The following FOXN3 variants were observed in gnomAD, a reference collection of about 807,000 sequenced individuals.
The protein encoded by FOXN3 is forkhead box N3.
FOXN3 carries 7 observed loss-of-function variants against 38.4 expected under a neutral mutation model. The observed-to-expected ratio is 0.18, with a 90% CI of 0.10 to 0.34. The LOEUF (loss-of-function observed/expected upper bound fraction) is 0.34. Among genes scored for constraint, FOXN3 ranks in the 10% least tolerant of loss-of-function variants. The probability of loss-of-function intolerance (pLI) is 1.00; values close to 1 mark genes in which losing one functional copy is unlikely to be tolerated. For missense variants in FOXN3, 456 were observed against 613.4 expected (o/e 0.74, Z 2.71); for synonymous variants, 230 against 242.2 (o/e 0.95, Z 0.47).
intron 2 of FOXN3, among the ~76,000 whole-genome samples, chr14:89,406,321 G>A (rs1381184247): frequency 6.6e-6 from 1 of 152,098 alleles, no homozygotes; most frequent in Non-Finnish European, 1.5e-5. Flanking sequence ...TTGGGAGGCT[G>A]AGTCAGGAGG....
intron 3 of FOXN3, among the ~76,000 whole-genome samples, chr14:89,302,146 A>G (rs901078891): frequency 3.9e-5 from 6 of 152,178 alleles, no homozygotes; most frequent in African/African-American, 1.4e-4. Flanking sequence ...ATTCTTACAC[A>G]CCTAGTACCT....
intron 1 of FOXN3, among the ~76,000 whole-genome samples, chr14:89,490,299 A>G (rs1448398089): frequency 1.3e-5 from 2 of 152,158 alleles, no homozygotes; most frequent in African/African-American, 2.4e-5. Context: ...TTCTATCCCA[A>G]TGATATCAGC....
chr14:89,399,159 G>A (rs895446362), intron 2 of FOXN3, among the ~76,000 whole-genome samples: 1 of 152,210 alleles, frequency 6.6e-6, no homozygotes, highest in Non-Finnish European at 1.5e-5. Flanking sequence ...AGGGCTGAAC[G>A]CTTGGCCCAG....
At chr14:89,309,903 C>G (rs1887480866) in intron 3 of FOXN3, among the ~76,000 whole-genome samples, 1 of 152,246 alleles carries the variant, frequency 6.6e-6, no homozygotes, top group African/African-American at 2.4e-5. Flanking sequence ...TGCCTTAAGT[C>G]ACCAAGACTG....
At chr14:89,202,871 G>A (rs993599045) in intron 4 of FOXN3, among the ~76,000 whole-genome samples, 2 of 151,942 alleles carry the variant, frequency 1.3e-5, no homozygotes, top group Non-Finnish European at 2.9e-5. Context: ...TATAAATTAC[G>A]CAGGCTCAGG....
intron 1 of FOXN3, among the ~76,000 whole-genome samples, chr14:89,611,754 C>G (rs375487801): frequency 1.4e-5 from 2 of 143,722 alleles, no homozygotes; most frequent in South Asian, 2.1e-4. Flanking sequence ...TGCAGTGAGC[C>G]GAGATCGTGC....
At chr14:89,440,827 A>G (rs1028947461) in intron 1 of FOXN3, among the ~76,000 whole-genome samples, 2 of 152,230 alleles carry the variant, frequency 1.3e-5, no homozygotes, top group African/African-American at 4.8e-5. Context: ...CAGTGCGTTC[A>G]ACCCCTGTCA....
intron 5 of FOXN3, among the ~76,000 whole-genome samples, chr14:89,177,652 G>C (rs992704610): frequency 2.0e-5 from 3 of 152,058 alleles, no homozygotes; most frequent in African/African-American, 7.2e-5. Context: ...GAGAAAGATA[G>C]AACTGGCTCC....
At chr14:89,281,143 C>T (rs538570553) in intron 3 of FOXN3, 129 bp from the exon 4 acceptor site, 11 of 732,256 alleles carry the variant, frequency 1.5e-5, no homozygotes, top group African/African-American at 7.0e-5. Flanking sequence ...AATGCATCCT[C>T]GAAAACCATG....
At chr14:89,399,392 G>C (rs1399053798) in intron 2 of FOXN3, among the ~76,000 whole-genome samples, 2 of 152,212 alleles carry the variant, frequency 1.3e-5, no homozygotes, top group African/African-American at 4.8e-5. Context: ...GCAGAGATGA[G>C]TGTCCACGTG....
At chr14:89,168,591 T>C (rs911060628) in intron 5 of FOXN3, among the ~76,000 whole-genome samples, 2 of 151,496 alleles carry the variant, frequency 1.3e-5, no homozygotes, top group African/African-American at 4.9e-5. Context: ...GACACAGAGA[T>C]AGAGAATATG....
At chr14:89,536,746 C>A (rs1275353712) in intron 1 of FOXN3, among the ~76,000 whole-genome samples, 1 of 151,762 alleles carries the variant, frequency 6.6e-6, no homozygotes, top group Non-Finnish European at 1.5e-5. Context: ...CCTCTGCACT[C>A]CAGCCTGGGC....
intron 1 of FOXN3, among the ~76,000 whole-genome samples, chr14:89,487,559 C>T (rs1301872834): frequency 6.6e-6 from 1 of 152,168 alleles, no homozygotes; most frequent in African/African-American, 2.4e-5. Flanking sequence ...TACCTTAGAT[C>T]ATTAATTTAT....
chr14:89,219,001 T>C (rs946052615), intron 4 of FOXN3, among the ~76,000 whole-genome samples: 2 of 152,252 alleles, frequency 1.3e-5, no homozygotes, highest in Admixed American at 6.5e-5. Context: ...TTTCTCCTTT[T>C]ATTTAACAGA....
chr14:89,429,915 A>G (rs1892120397), intron 1 of FOXN3, among the ~76,000 whole-genome samples: 1 of 152,242 alleles, frequency 6.6e-6, no homozygotes. Context: ...TATGCCTGTA[A>G]AAGTTTTCAC....
intron 1 of FOXN3, among the ~76,000 whole-genome samples, chr14:89,518,719 A>G (rs1894257949): frequency 6.6e-6 from 1 of 152,238 alleles, no homozygotes; most frequent in Admixed American, 6.5e-5. Context: ...AATTGGAATC[A>G]GGTCTTAAAG....
chr14:89,293,583 T>G (rs1886943832), intron 3 of FOXN3, among the ~76,000 whole-genome samples: 1 of 152,146 alleles, frequency 6.6e-6, no homozygotes, highest in Admixed American at 6.5e-5. Flanking sequence ...TTCCCACCTT[T>G]TCTAAGGACA....
At chr14:89,469,542 G>C (rs1893048218) in intron 1 of FOXN3, among the ~76,000 whole-genome samples, 1 of 152,254 alleles carries the variant, frequency 6.6e-6, no homozygotes, top group East Asian at 1.9e-4. Context: ...AGTTCATGTT[G>C]TGACTGGGCT....
chr14:89,176,037 A>G (rs1887510884), intron 5 of FOXN3, among the ~76,000 whole-genome samples: 1 of 152,166 alleles, frequency 6.6e-6, no homozygotes, highest in African/African-American at 2.4e-5. Flanking sequence ...AGACACAGGC[A>G]TAAAACTTTA....
Sources: allele counts gnomAD v4.1 joint callset (sites outside exome capture counted in the v4.1 genomes callset), GRCh38; gene constraint gnomAD v4.1.1; transcripts MANE v1.5; gene names NCBI Gene and HGNC (gene_info 2026-07-23, HGNC 2026-07-21).